The following DCC variants were observed in gnomAD, a reference collection of about 807,000 sequenced individuals.
DCC encodes the protein netrin receptor DCC.
A neutral mutation model predicts 172.5 loss-of-function variants in DCC; 58 were observed. The ratio of observed to expected loss-of-function variants is 0.34; its 90% CI spans 0.27 to 0.42. The LOEUF (loss-of-function observed/expected upper bound fraction) is 0.42, where lower values mean the gene tolerates loss of function less well. Ranked by LOEUF, DCC falls within the 10% of genes least tolerant of loss-of-function variation. The pLI, the probability that DCC is intolerant of heterozygous loss-of-function variation, is 1.00. For missense variants in DCC, 1,740 were observed against 1,791.0 expected, an observed-to-expected ratio of 0.97 and a Z score of 0.51; for synonymous variants, 709 against 644.5, an observed-to-expected ratio of 1.10 and a Z score of -1.52.
chr18:53,178,884 C>A, intron 8 of DCC, 78 bp from the exon 9 acceptor site: 1 of 1,528,260 alleles, frequency 6.5e-7, no homozygotes. Flanking sequence ...CACCTCACTA[C>A]TCTTGCACAT....
intron 1 of DCC, among the ~76,000 whole-genome samples, chr18:52,379,933 A>G (rs1985513970): frequency 6.6e-6 from 1 of 152,148 alleles, no homozygotes; most frequent in South Asian, 2.1e-4. Context: ...AAGAATAGAA[A>G]TTGATTTCTC....
chr18:52,549,503 A>G (rs2032705154), intron 1 of DCC, among the ~76,000 whole-genome samples: 1 of 152,076 alleles, frequency 6.6e-6, no homozygotes, highest in Non-Finnish European at 1.5e-5. Flanking sequence ...ACCCAACAAA[A>G]GAAGTGCTAA....
At chr18:52,407,950 C>A (rs535318885) in intron 1 of DCC, among the ~76,000 whole-genome samples, 101 of 152,138 alleles carry the variant, frequency 6.6e-4, no homozygotes, top group Middle Eastern at 6.8e-3. Flanking sequence ...CCAATACTAG[C>A]CTGTTGATTT....
intron 23 of DCC, among the ~76,000 whole-genome samples, chr18:53,457,869 T>G (rs1478658831): frequency 1.3e-5 from 2 of 152,136 alleles, no homozygotes; most frequent in East Asian, 3.8e-4. Context: ...ATTCTTTATC[T>G]CCTATCCTCA....
intron 1 of DCC, among the ~76,000 whole-genome samples, chr18:52,473,772 G>A (rs912734743): frequency 6.6e-6 from 1 of 152,006 alleles, no homozygotes; most frequent in Admixed American, 6.6e-5. Flanking sequence ...ATTTGGGTTG[G>A]GACACAGCCA....
chr18:53,503,214 A>G (rs1373065956), intron 27 of DCC, among the ~76,000 whole-genome samples: 1 of 152,096 alleles, frequency 6.6e-6, no homozygotes, highest in Non-Finnish European at 1.5e-5. Context: ...GCATTTTGCA[A>G]TATTTTTATA....
At chr18:52,670,594 C>T (rs1366472521) in intron 1 of DCC, among the ~76,000 whole-genome samples, 1 of 152,120 alleles carries the variant, frequency 6.6e-6, no homozygotes, top group East Asian at 1.9e-4. Flanking sequence ...AATCCCAGCA[C>T]TTTGGGAGGC....
intron 1 of DCC, among the ~76,000 whole-genome samples, chr18:52,468,164 G>A (rs975638161): frequency 1.3e-5 from 2 of 152,176 alleles, no homozygotes; most frequent in Admixed American, 6.5e-5. Flanking sequence ...ATAGCAGCTC[G>A]TAGTCTAGTG....
intron 1 of DCC, among the ~76,000 whole-genome samples, chr18:52,396,470 A>G (rs1349512134): frequency 6.6e-6 from 1 of 151,978 alleles, no homozygotes. Context: ...TGACCCCTTT[A>G]TGGGGGAAAC....
intron 1 of DCC, among the ~76,000 whole-genome samples, chr18:52,705,622 T>C (rs181031048): frequency 6.6e-6 from 1 of 152,256 alleles, no homozygotes. Context: ...CTGTGTCCAG[T>C]AGAAAAAACA....
At chr18:53,034,400 G>A (rs531647575) in intron 5 of DCC, among the ~76,000 whole-genome samples, 1 of 151,804 alleles carries the variant, frequency 6.6e-6, no homozygotes, top group South Asian at 2.1e-4. Flanking sequence ...CTTTGTTCAG[G>A]CCCAAAGAAA....
At chr18:53,367,982 TA>T (rs1203236257) in intron 15 of DCC, among the ~76,000 whole-genome samples, 1 of 152,196 alleles carries the variant, frequency 6.6e-6, no homozygotes, top group African/African-American at 2.4e-5. Context: ...ATTCTATTTT[TA>T]ATTGCTTGAG....
intron 7 of DCC, among the ~76,000 whole-genome samples, chr18:53,081,521 GAA>G (rs879788004): frequency 5.7e-5 from 8 of 140,252 alleles, no homozygotes; most frequent in African/African-American, 2.1e-4. Flanking sequence ...GGATTAAAAA[GAA>G]AAAAAAAAAG....
intron 12 of DCC, among the ~76,000 whole-genome samples, chr18:53,291,666 C>T (rs2057006589): frequency 6.6e-6 from 1 of 152,044 alleles, no homozygotes; most frequent in South Asian, 2.1e-4. Context: ...GGTCTAGTTC[C>T]TACATCAAAT....
intron 11 of DCC, among the ~76,000 whole-genome samples, chr18:53,209,565 A>G (rs1438284955): frequency 6.6e-6 from 1 of 152,194 alleles, no homozygotes; most frequent in African/African-American, 2.4e-5. Context: ...GGGCATGCAT[A>G]TTATTAAGGA....
chr18:53,233,924 G>A (rs1275495612), intron 12 of DCC, among the ~76,000 whole-genome samples: 1 of 151,872 alleles, frequency 6.6e-6, no homozygotes, highest in Non-Finnish European at 1.5e-5. Flanking sequence ...TATCAGCCTG[G>A]CCAACATGGT....
At chr18:53,174,339 T>C (rs777361827) in intron 8 of DCC, among the ~76,000 whole-genome samples, 10,708 of 145,344 alleles carry the variant, frequency 0.074, 477 homozygotes, top group African/African-American at 0.13. Context: ...CAGAGCAGAA[T>C]TGAAGGAAAT....
At chr18:53,058,607 A>G (rs2042449477) in intron 5 of DCC, among the ~76,000 whole-genome samples, 1 of 152,168 alleles carries the variant, frequency 6.6e-6, no homozygotes. Flanking sequence ...ATCATCACTG[A>G]GAAAAAAACA....
chr18:52,352,525 A>G (rs1984171306), intron 1 of DCC, among the ~76,000 whole-genome samples: 1 of 152,164 alleles, frequency 6.6e-6, no homozygotes, highest in Admixed American at 6.5e-5. Context: ...TTTTCCATCC[A>G]AACCATCCTC....
Sources: allele counts gnomAD v4.1 joint callset (sites outside exome capture counted in the v4.1 genomes callset), GRCh38; gene constraint gnomAD v4.1.1; transcripts MANE v1.5; gene names NCBI Gene and HGNC (gene_info 2026-07-23, HGNC 2026-07-21).